Variants in RACGAP1 observed in about 807,000 individuals in gnomAD.
The protein encoded by RACGAP1 is Rac GTPase activating protein 1.
Under a neutral mutation model 78.1 loss-of-function variants are expected in RACGAP1, and 30 were observed. That is an observed-to-expected ratio of 0.38 (90% CI 0.29 to 0.52). The LOEUF (loss-of-function observed/expected upper bound fraction) is 0.52, where lower values mean the gene tolerates loss of function less well. Among genes scored for constraint, RACGAP1 ranks in the 20% least tolerant of loss-of-function variants. The pLI is 0.82. For synonymous variants in RACGAP1, 231 were observed against 264.8 expected, an observed-to-expected ratio of 0.87 and a Z score of 1.24; for missense variants, 587 against 777.1, an observed-to-expected ratio of 0.76 and a Z score of 2.91.
chr12:50,018,569 T>C (rs1238702120), intron 1 of RACGAP1: 5 of 1,288,820 alleles, frequency 3.9e-6, no homozygotes, highest in South Asian at 3.7e-5. Context: ...TCAATTCAAA[T>C]GTTGATTTCC....
At chr12:50,032,133 G>T (rs927216544) in intron 1 of RACGAP1, among the ~76,000 whole-genome samples, 1 of 151,792 alleles carries the variant, frequency 6.6e-6, no homozygotes, top group Non-Finnish European at 1.5e-5. Context: ...GTGACACAGC[G>T]AGACTCTGTC....
intron 5 of RACGAP1, 78 bp downstream of exon 5, chr12:50,004,157 A>G (rs1031586455): frequency 5.2e-6 from 8 of 1,528,884 alleles, no homozygotes; most frequent in Non-Finnish European, 7.1e-6. Context: ...GATGTTCAGA[A>G]GAGAAGACAG....
rs1324534487 is a variant in RACGAP1 at position 49,989,896 on chromosome 12, G to A, written c.*372C>T. On this transcript the variant is annotated 3_prime_UTR_variant, in exon 17 of 17. Coordinates refer to ENST00000312377, the MANE Select transcript of RACGAP1 (RefSeq NM_001319999.2). ...GGTAGGGTTTCTGTCATTGTCTCAC[G>A]GAAATCAGTTCTAAATGAAACTAGA... 2.9e-5 allele frequency: 5 copies of A among 172,318 alleles called. No homozygotes were observed. Among genetic ancestry groups the A allele is most frequent in the African/African-American group, 9.5e-5 (4 of 42,190 alleles). 10.7% of individuals were successfully genotyped at this position (172,318 alleles called of 1,614,324 possible). A position where few individuals can be genotyped will look rare whatever the true frequency, so the allele number is the denominator to read the frequency against.
chr12:50,009,947 T>C (rs1949209799), intron 2 of RACGAP1, among the ~76,000 whole-genome samples: 1 of 152,248 alleles, frequency 6.6e-6, no homozygotes, highest in African/African-American at 2.4e-5. Context: ...ATTTTGATAC[T>C]TGTACTATCT....
chr12:50,023,602 G>A (rs1674511478), intron 1 of RACGAP1, among the ~76,000 whole-genome samples: 1 of 152,148 alleles, frequency 6.6e-6, no homozygotes, highest in Admixed American at 6.5e-5. Flanking sequence ...GCATGGTGGT[G>A]CACACCTGTA....
At chr12:50,023,818 T>C (rs775187512) in intron 1 of RACGAP1, among the ~76,000 whole-genome samples, 6 of 152,138 alleles carry the variant, frequency 3.9e-5, no homozygotes, top group Non-Finnish European at 5.9e-5. Flanking sequence ...GAACTAAAAA[T>C]GGAACTACCA....
intron 1 of RACGAP1, among the ~76,000 whole-genome samples, chr12:50,032,536 A>AGTGTGTGTGTGTGTGTGTGTGTGTGTGT (rs60239235): frequency 6.8e-6 from 1 of 147,034 alleles, no homozygotes; most frequent in African/African-American, 2.6e-5. Flanking sequence ...GGAAAAGGTG[A>AGTGTGTGTGTGTGTGTGTGTGTGTGTGT]GTGTGTGTGT....
intron 15 of RACGAP1, 115 bp downstream of exon 15, chr12:49,991,883 A>G: frequency 6.5e-7 from 1 of 1,543,902 alleles, no homozygotes. Flanking sequence ...AGAATTATAC[A>G]AATTTTCCTT....
intron 3 of RACGAP1, 128 bp from the exon 4 acceptor site, chr12:50,005,520 G>C: frequency 9.8e-7 from 1 of 1,017,344 alleles, no homozygotes; most frequent in Non-Finnish European, 1.4e-6. Context: ...CAGGAAGGCT[G>C]CTACACCAAT....
upstream of RACGAP1, among the ~76,000 whole-genome samples, chr12:50,029,411 AAAC>A (rs1950311184): frequency 6.6e-6 from 1 of 151,424 alleles, no homozygotes; most frequent in African/African-American, 2.4e-5. Flanking sequence ...ACAAACAAAC[AAAC>A]AAAAAACAGC....
In RACGAP1 at chr12:50,004,529, A is replaced by G. The variant is rs142336705; in HGVS notation, c.426-225T>C. Among the ~76,000 whole-genome samples, 244 of 152,310 alleles carry G rather than the reference A, an allele frequency of 1.6e-3. 4 individuals are homozygous for G. The highest frequency in any genetic ancestry group is 0.014 in the Admixed American group (207 of 15,302). On this transcript the variant is annotated intron_variant, in intron 4 of 16. Coordinates refer to ENST00000312377, the MANE Select transcript of RACGAP1 (RefSeq NM_001319999.2). ...ACAGGTGCAACACAGTTGCTTTTTC[A>G]GCAAAGACCTTATAAGGGCAGTTGA...
Position 49,999,740 on chromosome 12 carries a change from CA to C in RACGAP1, c.631-8del. On this transcript the variant is annotated splice_polypyrimidine_tract_variant and splice_region_variant and intron_variant, in intron 7 of 16. Transcript: ENST00000312377. ...CAACTATGGATTCATTCCCCTGCAA[CA>C]AAAGTAGTAATGAGGAAAGACAAAC... 6.3e-7 allele frequency: 1 copy of C among 1,588,374 alleles called. No individual in the cohort carries two copies. The highest frequency in any genetic ancestry group is 8.6e-7 in the Non-Finnish European group (1 of 1,156,580).
intron 1 of RACGAP1, among the ~76,000 whole-genome samples, chr12:50,017,955 G>A (rs941834216): frequency 6.6e-6 from 1 of 152,100 alleles, no homozygotes. Context: ...TCAGGAGTTC[G>A]AGACTAGCCT....
At chr12:50,003,023 CAAAAAAAAA>C (rs11326258) in intron 5 of RACGAP1, among the ~76,000 whole-genome samples, 1 of 64,150 alleles carries the variant, frequency 1.6e-5, no homozygotes, top group African/African-American at 4.8e-5. Flanking sequence ...GACTCTGTCT[CAAAAAAAAA>C]AAAAAAAAAA....
At chr12:50,014,516 C>T (rs1416245704) in intron 2 of RACGAP1, among the ~76,000 whole-genome samples, 1 of 152,184 alleles carries the variant, frequency 6.6e-6, no homozygotes, top group Non-Finnish European at 1.5e-5. Context: ...TCAAGTGATA[C>T]TTCAGCCTCC....
At chr12:49,996,778 GAGGA>G (rs1398206552) in intron 10 of RACGAP1, among the ~76,000 whole-genome samples, 1 of 151,352 alleles carries the variant, frequency 6.6e-6, no homozygotes. Context: ...GGATGAAGGG[GAGGA>G]AGGAAGGAAG....
intron 1 of RACGAP1, among the ~76,000 whole-genome samples, chr12:50,018,005 A>G (rs1361948353): frequency 6.6e-6 from 1 of 152,122 alleles, no homozygotes; most frequent in African/African-American, 2.4e-5. Context: ...TAAAAACACA[A>G]AAATTAGCTG....
chr12:50,029,652 G>C (rs1391328857), upstream of RACGAP1, among the ~76,000 whole-genome samples: 1 of 152,096 alleles, frequency 6.6e-6, no homozygotes, highest in Non-Finnish European at 1.5e-5. Flanking sequence ...CCAGAACTTT[G>C]GGAGGCCGAG....
At chr12:50,021,228 G>A in intron 1 of RACGAP1, 1 of 631,006 alleles carries the variant, frequency 1.6e-6, no homozygotes, top group Non-Finnish European at 2.0e-6. Flanking sequence ...CATTGCTTTT[G>A]CAGCTGTAAA....
Sources: gnomAD v4.1 joint callset for allele counts (sites outside exome capture counted in the v4.1 genomes callset) on GRCh38, gnomAD v4.1.1 for gene constraint, MANE v1.5 for transcripts, NCBI Gene and HGNC (gene_info 2026-07-23, HGNC 2026-07-21) for gene names.